SNX32: variants seen among roughly 807,000 people sequenced by gnomAD.
SNX32 encodes the protein sorting nexin-32.
In SNX32, 58 loss-of-function variants were observed where a neutral mutation model predicts 57.0. The observed-to-expected ratio is 1.02, with a 90% confidence interval of 0.82 to 1.27. SNX32 has a LOEUF of 1.27. SNX32 is among the 50% of genes most tolerant of loss of function. The probability of loss-of-function intolerance (pLI) is 0.00; values close to 1 mark genes in which losing one functional copy is unlikely to be tolerated. For synonymous variants in SNX32, 262 were observed against 220.4 expected, an observed-to-expected ratio of 1.19 and a Z score of -1.67; for missense variants, 589 against 541.2, an observed-to-expected ratio of 1.09 and a Z score of -0.88.
At chr11:65,850,716 C>A (rs769308431) in intron 5 of SNX32, 35 bp from the exon 6 acceptor site, 1 of 1,603,262 alleles carries the variant, frequency 6.2e-7, no homozygotes, top group Admixed American at 1.7e-5. Flanking sequence ...GTGAGAACGC[C>A]CACCCCAGCA....
Position 65,850,561 on chromosome 11 carries a change from T to C in SNX32, c.498+7T>C. 1 of 1,600,606 alleles carries C rather than the reference T, an allele frequency of 6.2e-7. No homozygotes were observed. The highest frequency in any genetic ancestry group is 8.5e-7 in the Non-Finnish European group (1 of 1,173,348). ...TTTGGAATATGGACAGGATGTGAGC[T>C]GGGCCGAATCCCTGGGGTCACCCTT... On this transcript the variant is annotated splice_region_variant and intron_variant, in intron 5 of 12. Coordinates refer to ENST00000308342, the MANE Select transcript of SNX32 (RefSeq NM_152760.3).
intron 12 of SNX32, 27 bp downstream of exon 12, chr11:65,852,985 T>TTG (rs746476959): frequency 6.2e-7 from 1 of 1,610,878 alleles, no homozygotes; most frequent in Non-Finnish European, 8.5e-7. Flanking sequence ...CACTGGGCCC[T>TTG]TGTGAAGCCT....
intron 2 of SNX32, 54 bp downstream of exon 2, chr11:65,849,636 T>C: frequency 7.3e-7 from 1 of 1,363,488 alleles, no homozygotes; most frequent in Non-Finnish European, 9.8e-7. Flanking sequence ...GCAGGAGGCC[T>C]CCCCCAGGGG....
intron 1 of SNX32, 144 bp downstream of exon 1, chr11:65,834,245 C>G: frequency 2.2e-6 from 2 of 900,998 alleles, no homozygotes; most frequent in Admixed American, 2.6e-5. Flanking sequence ...TGTGTATAGT[C>G]TGCATGTGTC....
In SNX32 at chr11:65,839,225, ATTTTTTTTTTTTTTT is replaced by A. The variant is rs1168882508; in HGVS notation, c.36+5132_36+5146del. On this transcript the variant is annotated intron_variant, in intron 1 of 12. Transcript: ENST00000308342. ...CACCACGCCCAGCTAATTTTTTTGTATTTTTTTTTTTTTTTTTTTTTTGAGACGGAGTCTCGCTCT... is the reference window on the plus strand; with the variant it reads ...CACCACGCCCAGCTAATTTTTTTGTATTTTTTTGAGACGGAGTCTCGCTCT... 1.4e-3 allele frequency among the ~76,000 whole-genome samples: 39 copies of A among 27,634 alleles called. No individual in the cohort carries two copies. In the East Asian group the frequency reaches 0.02, roughly 14 times the overall value. The allele number at this position is 27,634 out of a possible 152,430, so 18.1% of individuals were successfully genotyped here.
At chr11:65,842,932 A>T (rs944667414) in intron 1 of SNX32, among the ~76,000 whole-genome samples, 1 of 137,928 alleles carries the variant, frequency 7.3e-6, no homozygotes, top group African/African-American at 2.7e-5. Context: ...CTGAGCAACA[A>T]GAGCGAAACT....
Position 65,849,907 on chromosome 11 carries a change from T to C in SNX32, c.142-13T>C. The C allele has an allele frequency of 3.2e-6, 5 of 1,551,234 alleles. No individual in the cohort carries two copies. The highest frequency in any genetic ancestry group is 4.4e-6 in the Non-Finnish European group (5 of 1,145,402). On this transcript the variant is annotated splice_polypyrimidine_tract_variant and intron_variant, in intron 2 of 12. Transcript: ENST00000308342. ...GGCAGAGAGAGGACCTCAGTTGGCCTTCCCGCTTCCAGAGCTGCCTCCCTC... is the reference window on the plus strand; with the variant it reads ...GGCAGAGAGAGGACCTCAGTTGGCCCTCCCGCTTCCAGAGCTGCCTCCCTC...
chr11:65,851,226 G>GA, intron 7 of SNX32, 66 bp downstream of exon 7: 1 of 1,598,136 alleles, frequency 6.3e-7, no homozygotes, highest in Non-Finnish European at 8.6e-7. Context: ...CTCCTTGGGG[G>GA]AGAGAAGAGA....
intron 9 of SNX32, among the ~76,000 whole-genome samples, chr11:65,852,050 G>A (rs1052835551): frequency 6.6e-6 from 1 of 152,130 alleles, no homozygotes; most frequent in African/African-American, 2.4e-5. Flanking sequence ...TTCCTAAAAT[G>A]TCTATTGGAC....
At chr11:65,839,230 T>TTTTTTTTTTTTTTTTG (rs1858762845) in intron 1 of SNX32, among the ~76,000 whole-genome samples, 1 of 16,546 alleles carries the variant, frequency 6.0e-5, no homozygotes, top group Non-Finnish European at 1.7e-4. Flanking sequence ...TTTGTATTTT[T>TTTTTTTTTTTTTTTTG]TTTTTTTTTT....
At chr11:65,846,500 A>G (rs1301911485) in intron 1 of SNX32, among the ~76,000 whole-genome samples, 2 of 151,130 alleles carry the variant, frequency 1.3e-5, no homozygotes, top group Admixed American at 6.6e-5. Flanking sequence ...TGGTAGGCAG[A>G]GGTTGCAGTG....
Position 65,842,809 on chromosome 11 carries a change from GTGT to G in SNX32, c.37-6668_37-6666del, listed in dbSNP as rs1206335483. On this transcript the variant is annotated intron_variant, in intron 1 of 12. Coordinates refer to ENST00000308342, the MANE Select transcript of SNX32 (RefSeq NM_152760.3). ...TACTAAAAATACAAAAATGAGCTGG[GTGT>G]GGTGGTGGGCGCCTGTAATCTCAGC... 3.2e-4 allele frequency among the ~76,000 whole-genome samples: 49 copies of G among 150,856 alleles called. No individual in the cohort carries two copies. The East Asian group carries it at 8.4e-3, about 26-fold the overall frequency.
At chr11:65,849,088 G>A (rs989251175) in intron 1 of SNX32, among the ~76,000 whole-genome samples, 1 of 152,168 alleles carries the variant, frequency 6.6e-6, no homozygotes, top group African/African-American at 2.4e-5. Context: ...AGGTTGCAGT[G>A]AGCTGAGATC....
chr11:65,851,907 G>C (rs1859210462), intron 9 of SNX32, among the ~76,000 whole-genome samples: 1 of 152,150 alleles, frequency 6.6e-6, no homozygotes, highest in Non-Finnish European at 1.5e-5. Context: ...GTATGCACGT[G>C]TGCAGCAGCG....
Position 65,851,348 on chromosome 11 carries a change from C to T in SNX32, c.730C>T (p.Pro244Ser), listed in dbSNP as rs1289498533. 5 of 1,614,016 alleles carry T rather than the reference C, an allele frequency of 3.1e-6. No homozygotes were observed. The Admixed American group carries it at 6.7e-5, about 22-fold the overall frequency. Residue 244 changes from proline (P) to serine (S), a missense_variant, in exon 8 of 13, where the codon CCT (proline) becomes TCT (serine). By Grantham distance (74) the Pro-to-Ser change is moderately conservative. Transcript: ENST00000308342. ...AHKCLADDYI[P>S]ISAALSSLGT... ...AACAGGCCTGGCAGACGATTATATC[C>T]CTATCTCAGCTGCGCTGAGCAGTCT...
Position 65,850,197 on chromosome 11 carries a change from G to A in SNX32, c.300G>A (p.Lys100=), listed in dbSNP as rs1859129268. 3 of 1,614,112 alleles carry A rather than the reference G, an allele frequency of 1.9e-6. No homozygotes were observed. The highest frequency in any genetic ancestry group is 1.3e-5 in the African/African-American group (1 of 74,946). The change falls in exon 4 of 13, where the codon AAG becomes AAA. Residue 100 remains lysine, a synonymous_variant. Coordinates refer to ENST00000308342, the MANE Select transcript of SNX32 (RefSeq NM_152760.3). The stretch of plus-strand genomic sequence containing the variant: ...CAGACTTTGAGGCTTCGAGGGAAAA[G>A]CTACAGAAATTGGGCGAGGGGGACA... ...PRPDFEASRE[K]LQKLGEGDSS... is the part of the protein sequence containing the mutation.
Position 65,849,946 on chromosome 11 carries a change from C to T in SNX32, c.168C>T (p.Thr56=), listed in dbSNP as rs370896235. 1.4e-4 allele frequency: 222 copies of T among 1,589,864 alleles called. No individual in the cohort carries two copies. The East Asian group carries it at 1.4e-3, about 10-fold the overall frequency. The change falls in exon 3 of 13, where the codon ACC becomes ACT. Residue 56 remains threonine, a synonymous_variant. Transcript: ENST00000308342. ...TKSCLPHFAQ[T]EFSVVRQHEE... Reference sequence around the variant, plus strand: ...GCTGCCTCCCTCACTTCGCCCAGACCGAGTTCTCAGTCGTGCGGCAGCACG... The same window carrying T: ...GCTGCCTCCCTCACTTCGCCCAGACTGAGTTCTCAGTCGTGCGGCAGCACG...
At chr11:65,847,973 G>C (rs565790168) in intron 1 of SNX32, among the ~76,000 whole-genome samples, 1 of 152,228 alleles carries the variant, frequency 6.6e-6, no homozygotes, top group South Asian at 2.1e-4. Context: ...GTGACCTCAG[G>C]GTCAATTCCT....
intron 1 of SNX32, among the ~76,000 whole-genome samples, chr11:65,840,929 G>A (rs592956): frequency 1.3e-5 from 2 of 151,740 alleles, no homozygotes; most frequent in Non-Finnish European, 2.9e-5. Context: ...AATCTATTAT[G>A]GTTTTTTTTT....
Sources: gnomAD v4.1 joint callset for allele counts (sites outside exome capture counted in the v4.1 genomes callset) on GRCh38, gnomAD v4.1.1 for gene constraint, MANE v1.5 for transcripts, NCBI Gene and HGNC (gene_info 2026-07-23, HGNC 2026-07-21) for gene names.